SLC35A5: variants seen among roughly 807,000 people sequenced by gnomAD.
The protein encoded by SLC35A5 is solute carrier family 35 member A5, also known as UDP-sugar transporter protein SLC35A5.
SLC35A5 carries 28 observed loss-of-function variants against 36.3 expected under a neutral mutation model. That is an observed-to-expected ratio of 0.77 (90% confidence interval 0.57 to 1.06). SLC35A5 has a LOEUF of 1.06. Ranked by LOEUF, SLC35A5 falls within the 50% of genes least tolerant of loss-of-function variation. The pLI is 0.00. For synonymous variants in SLC35A5, 180 were observed against 173.7 expected, an observed-to-expected ratio of 1.04 and a Z score of -0.29; for missense variants, 521 against 499.3, an observed-to-expected ratio of 1.04 and a Z score of -0.41.
At chr3:112,570,382 A>G (rs1171843675) in intron 3 of SLC35A5, 158 bp from the exon 4 acceptor site, 1 of 663,852 alleles carries the variant, frequency 1.5e-6, no homozygotes, top group Admixed American at 3.4e-5. Flanking sequence ...GCTGATTGTC[A>G]GTGATGAAAC....
At chr3:112,576,275 G>A (rs1401882195) in intron 5 of SLC35A5, among the ~76,000 whole-genome samples, 2 of 151,738 alleles carry the variant, frequency 1.3e-5, no homozygotes, top group Admixed American at 6.6e-5. Context: ...TTACAGGCAC[G>A]TGCCACCACG....
intron 5 of SLC35A5, among the ~76,000 whole-genome samples, chr3:112,577,033 A>G (rs1934704671): frequency 7.3e-6 from 1 of 136,694 alleles, no homozygotes; most frequent in East Asian, 2.1e-4. Context: ...TTTCCCATAC[A>G]GGTAAAGAAT....
chr3:112,581,446 TAAAA>T, intron 6 of SLC35A5, 120 bp downstream of exon 6: 1 of 1,020,484 alleles, frequency 9.8e-7, no homozygotes, highest in Non-Finnish European at 1.4e-6. Flanking sequence ...CTCTGACTTT[TAAAA>T]CCGAATCAAC....
chr3:112,570,031 C>T (rs1185598258), intron 3 of SLC35A5, among the ~76,000 whole-genome samples: 1 of 152,118 alleles, frequency 6.6e-6, no homozygotes, highest in African/African-American at 2.4e-5. Context: ...CCTTTGTTTT[C>T]TTTTTGTTTT....
chr3:112,579,310 A>G (rs983880992), intron 5 of SLC35A5, among the ~76,000 whole-genome samples: 16 of 152,120 alleles, frequency 1.1e-4, no homozygotes, highest in African/African-American at 3.6e-4. Context: ...GCCTAAGTGT[A>G]TGGTAGGTGC....
In SLC35A5 at chr3:112,580,982, A is replaced by G; in HGVS notation, c.865A>G (p.Asn289Asp). The change falls in exon 6 of 7, where the codon AAC becomes GAC. Residue 289 changes from asparagine (N) to aspartate (D), a missense_variant. Asn to Asp is a conservative substitution (Grantham distance 23). Coordinates refer to ENST00000492406, the MANE Select transcript of SLC35A5 (RefSeq NM_017945.5). ...NGLTLGLQRS[N>D]RDQIKNCGFF... ...GCTGACTCTGGGCCTTCAGAGGAGT[A>G]ACCGTGATCAGATTAAGAACTGTGG... 1 of 1,614,134 alleles carries G rather than the reference A, an allele frequency of 6.2e-7. No homozygotes were observed. The highest frequency in any genetic ancestry group is 8.5e-7 in the Non-Finnish European group (1 of 1,179,984).
chr3:112,574,094 G>A (rs1399561991), intron 5 of SLC35A5, 138 bp downstream of exon 5: 19 of 647,510 alleles, frequency 2.9e-5, no homozygotes, highest in East Asian at 8.2e-5. Flanking sequence ...TACTGGGCAC[G>A]TTTAAGCCAT....
At chr3:112,574,072 A>G in intron 5 of SLC35A5, 116 bp downstream of exon 5, 1 of 916,500 alleles carries the variant, frequency 1.1e-6, no homozygotes, top group Non-Finnish European at 1.7e-6. Context: ...TTTGTTCCTA[A>G]TTGACTTTGT....
chr3:112,581,234 T>C lies in SLC35A5; in HGVS notation c.1117T>C (p.Tyr373His). The C allele has an allele frequency of 6.2e-7, 1 of 1,613,882 alleles. No individual in the cohort carries two copies. Among genetic ancestry groups the C allele is most frequent in the Non-Finnish European group, 8.5e-7 (1 of 1,179,888 alleles). ...APSVLLSIFI[Y>H]NASKPQVPEY... The stretch of plus-strand genomic sequence containing the variant: ...ATCAGTCCTTCTCTCTATATTTATT[T>C]ATAATGCCAGCAAGCCTCAAGTTCC... The change falls in exon 6 of 7, where the codon TAT becomes CAT. Residue 373 changes from tyrosine (Y) to histidine (H), a missense_variant. Transcript: ENST00000492406.
At chr3:112,567,044 G>A (rs1038534867) in intron 2 of SLC35A5, among the ~76,000 whole-genome samples, 1 of 151,990 alleles carries the variant, frequency 6.6e-6, no homozygotes, top group Non-Finnish European at 1.5e-5. Flanking sequence ...GGCTAACACA[G>A]TGAAACCCCA....
chr3:112,568,238 G>A (rs978150715), intron 2 of SLC35A5, among the ~76,000 whole-genome samples: 3 of 152,220 alleles, frequency 2.0e-5, no homozygotes, highest in African/African-American at 7.2e-5. Context: ...GAAACCACAG[G>A]AGAGTGGAAG....
At chr3:112,565,339 G>C (rs1232748123) in intron 2 of SLC35A5, among the ~76,000 whole-genome samples, 2 of 152,174 alleles carry the variant, frequency 1.3e-5, no homozygotes, top group Non-Finnish European at 2.9e-5. Flanking sequence ...AGAACACTTC[G>C]CTGATTAGAA....
At chr3:112,575,822 C>T (rs982175978) in intron 5 of SLC35A5, among the ~76,000 whole-genome samples, 4 of 148,758 alleles carry the variant, frequency 2.7e-5, no homozygotes, top group Non-Finnish European at 5.9e-5. Context: ...TGCAGTGGCA[C>T]CGTCTTGGCT....
At chr3:112,572,938 G>C (rs1390846262) in intron 4 of SLC35A5, among the ~76,000 whole-genome samples, 1 of 152,140 alleles carries the variant, frequency 6.6e-6, no homozygotes, top group Non-Finnish European at 1.5e-5. Context: ...GGGTTCACAG[G>C]CATTTGCCTA....
chr3:112,582,035 A>G (rs1378228941), intron 6 of SLC35A5, among the ~76,000 whole-genome samples: 1 of 152,340 alleles, frequency 6.6e-6, no homozygotes, highest in Non-Finnish European at 1.5e-5. Flanking sequence ...TGAAGATTCA[A>G]TTAAGGAGTT....
chr3:112,568,073 G>A (rs1023177474), intron 2 of SLC35A5, among the ~76,000 whole-genome samples: 7 of 152,204 alleles, frequency 4.6e-5, no homozygotes, highest in Admixed American at 2.6e-4. Flanking sequence ...GTATATGAAC[G>A]TGACAAACAT....
intron 6 of SLC35A5, 29 bp downstream of exon 6, chr3:112,581,355 T>G: frequency 6.5e-7 from 1 of 1,544,718 alleles, no homozygotes; most frequent in Non-Finnish European, 8.7e-7. Context: ...TCCTTTTTGC[T>G]TGTTCTTCCC....
intron 4 of SLC35A5, among the ~76,000 whole-genome samples, chr3:112,573,349 C>G (rs900008842): frequency 6.6e-6 from 1 of 152,156 alleles, no homozygotes; most frequent in Non-Finnish European, 1.5e-5. Context: ...CTGGCTGATA[C>G]ATTTCTAAGT....
At chr3:112,563,671 G>A in intron 2 of SLC35A5, 138 bp downstream of exon 2, 1 of 955,058 alleles carries the variant, frequency 1.0e-6, no homozygotes, top group Non-Finnish European at 1.4e-6. Flanking sequence ...ATTTAAATTT[G>A]ATTATTTAAC....
Sources: allele counts gnomAD v4.1 joint callset (sites outside exome capture counted in the v4.1 genomes callset), GRCh38; gene constraint gnomAD v4.1.1; transcripts MANE v1.5; gene names NCBI Gene and HGNC (gene_info 2026-07-23, HGNC 2026-07-21).